Variants in FRMD4A observed in about 807,000 individuals in gnomAD.
FRMD4A encodes FERM domain-containing protein 4A.
FRMD4A carries 29 observed loss-of-function variants against 129.1 expected under a neutral mutation model. The observed-to-expected ratio is 0.22, with a 90% CI of 0.17 to 0.31. The LOEUF (loss-of-function observed/expected upper bound fraction) is 0.31. Ranked by LOEUF, FRMD4A falls within the 10% of genes least tolerant of loss-of-function variation. FRMD4A has a pLI of 1.00. For missense variants in FRMD4A, 1,272 were observed against 1,375.8 expected (o/e 0.92, Z 1.19); for synonymous variants, 634 against 571.6 (o/e 1.11, Z -1.56).
intron 8 of FRMD4A, among the ~76,000 whole-genome samples, chr10:13,756,863 T>A (rs1301616464): frequency 2.6e-5 from 4 of 152,248 alleles, no homozygotes; most frequent in African/African-American, 9.6e-5. Flanking sequence ...ATGAGACTTC[T>A]GTTAAATTAA....
intron 13 of FRMD4A, among the ~76,000 whole-genome samples, chr10:13,702,589 T>C (rs2086948874): frequency 6.7e-6 from 1 of 149,272 alleles, no homozygotes; most frequent in Non-Finnish European, 1.5e-5. Flanking sequence ...TGAGACAAGT[T>C]GACAGGAAGG....
chr10:14,036,187 C>T (rs980299461), intron 2 of FRMD4A, among the ~76,000 whole-genome samples: 2 of 152,198 alleles, frequency 1.3e-5, no homozygotes, highest in African/African-American at 4.8e-5. Flanking sequence ...TGGCACATTC[C>T]AATTGCACAC....
chr10:14,035,439 AAAAG>A (rs1250156792), intron 2 of FRMD4A, among the ~76,000 whole-genome samples: 1 of 151,814 alleles, frequency 6.6e-6, no homozygotes, highest in African/African-American at 2.4e-5. Context: ...CAAAAAAAAA[AAAAG>A]AAGAAAAAAA....
chr10:13,738,973 A>G (rs2090826358), intron 11 of FRMD4A, among the ~76,000 whole-genome samples: 1 of 152,124 alleles, frequency 6.6e-6, no homozygotes, highest in Non-Finnish European at 1.5e-5. Flanking sequence ...TTGCAATTCT[A>G]TATTCAAATA....
intron 2 of FRMD4A, among the ~76,000 whole-genome samples, chr10:13,871,708 G>C (rs1272056921): frequency 6.6e-6 from 1 of 152,216 alleles, no homozygotes; most frequent in African/African-American, 2.4e-5. Context: ...CAGCCAGGGG[G>C]CTCTAAACAG....
chr10:14,330,042 C>T lies in FRMD4A; in HGVS notation c.45+16G>A. ...GTGGACGCTGCCCGGGCCCCACCTC[C>T]TGTCTGAACACTCACCATCAGCAGG... On this transcript the variant is annotated intron_variant, in intron 2 of 24. Transcript: ENST00000357447. The T allele has an allele frequency of 1.3e-6, 2 of 1,552,054 alleles. No individual in the cohort carries two copies. Among genetic ancestry groups the T allele is most frequent in the Non-Finnish European group, 1.7e-6 (2 of 1,147,096 alleles).
chr10:14,236,995 C>CAAAAAAAAAAAAAAAAAAA (rs71477244), intron 2 of FRMD4A, among the ~76,000 whole-genome samples: 1 of 75,394 alleles, frequency 1.3e-5, no homozygotes, highest in African/African-American at 4.7e-5. Context: ...AACAGGTCAG[C>CAAAAAAAAAAAAAAAAAAA]AAAAAAAAAA....
At chr10:14,266,588 T>A (rs1411706824) in intron 2 of FRMD4A, among the ~76,000 whole-genome samples, 1 of 151,238 alleles carries the variant, frequency 6.6e-6, no homozygotes, top group Non-Finnish European at 1.5e-5. Context: ...CAGAAAAATC[T>A]GTTTGAAAAA....
rs763742184 is a variant in FRMD4A, at chr10:13,971,711, A to G, written c.46-112799T>C. On this transcript the variant is annotated intron_variant, in intron 2 of 24. Transcript: ENST00000357447. ...TTTTAGCAGCAGCTGCAGAACTCGAATGTTCCTCACTTGGCAGGTCCTCAG... is the reference window on the plus strand; with the variant it reads ...TTTTAGCAGCAGCTGCAGAACTCGAGTGTTCCTCACTTGGCAGGTCCTCAG... 36 of 1,304,168 alleles carry G rather than the reference A, an allele frequency of 2.8e-5. No homozygotes were observed. In the South Asian group the frequency reaches 4.4e-4, roughly 16 times the overall value. The allele number at this position is 1,304,168 out of a possible 1,614,324, so 80.8% of individuals were successfully genotyped here.
chr10:13,904,804 C>T (rs1277684875), intron 2 of FRMD4A, among the ~76,000 whole-genome samples: 1 of 151,942 alleles, frequency 6.6e-6, no homozygotes, highest in Non-Finnish European at 1.5e-5. Flanking sequence ...ACCAGCCTGG[C>T]CAACGTGGCG....
intron 2 of FRMD4A, among the ~76,000 whole-genome samples, chr10:13,962,948 A>G (rs962690701): frequency 6.6e-6 from 1 of 152,264 alleles, no homozygotes; most frequent in African/African-American, 2.4e-5. Context: ...ATATTTCATG[A>G]ACAAAGTAAA....
intron 2 of FRMD4A, among the ~76,000 whole-genome samples, chr10:14,137,673 G>A (rs1434992247): frequency 2.0e-5 from 3 of 152,042 alleles, no homozygotes; most frequent in Non-Finnish European, 4.4e-5. Flanking sequence ...TTCCTTGAGT[G>A]GATCTCTCTC....
At chr10:14,062,019 TG>T (rs60424534) in intron 2 of FRMD4A, among the ~76,000 whole-genome samples, 18,483 of 152,166 alleles carry the variant, frequency 0.12, 1,551 homozygotes, top group African/African-American at 0.23. Flanking sequence ...AAACTCAAAA[TG>T]TGCATACCCT....
intron 14 of FRMD4A, among the ~76,000 whole-genome samples, chr10:13,694,254 G>A (rs1023855178): frequency 6.6e-6 from 1 of 152,234 alleles, no homozygotes; most frequent in African/African-American, 2.4e-5. Flanking sequence ...TGCATCAATT[G>A]AGGATGTTCT....
chr10:13,702,102 T>C (rs2134877680), intron 13 of FRMD4A, among the ~76,000 whole-genome samples: 1 of 152,276 alleles, frequency 6.6e-6, no homozygotes, highest in East Asian at 1.9e-4. Context: ...GATGGAGTCT[T>C]GCCCTGTCAC....
intron 2 of FRMD4A, among the ~76,000 whole-genome samples, chr10:13,865,877 T>C (rs1160386526): frequency 2.6e-5 from 4 of 152,118 alleles, no homozygotes; most frequent in Non-Finnish European, 5.9e-5. Flanking sequence ...TAATTTACAC[T>C]GAAACTATTT....
intron 2 of FRMD4A, among the ~76,000 whole-genome samples, chr10:13,884,228 A>ACT (rs1386550477): frequency 1.4e-5 from 2 of 147,312 alleles, no homozygotes; most frequent in South Asian, 2.2e-4. Flanking sequence ...ACACACACAC[A>ACT]CACACACACA....
intron 6 of FRMD4A, among the ~76,000 whole-genome samples, chr10:13,777,825 G>C (rs4748057): frequency 0.68 from 92,012 of 134,964 alleles, 31,794 homozygotes; most frequent in East Asian, 0.95. Context: ...TTGAGACGGA[G>C]TCTCGCTCTG....
chr10:14,316,527 G>A (rs12774883), intron 2 of FRMD4A, among the ~76,000 whole-genome samples: 916 of 35,528 alleles, frequency 0.026, 13 homozygotes, highest in East Asian at 0.14. Flanking sequence ...AAAAAAAAAA[G>A]AAGAAGAAGA....
Sources: gnomAD v4.1 joint callset for allele counts (sites outside exome capture counted in the v4.1 genomes callset) on GRCh38, gnomAD v4.1.1 for gene constraint, MANE v1.5 for transcripts, NCBI Gene and HGNC (gene_info 2026-07-23, HGNC 2026-07-21) for gene names.